Variants in DDX60L observed in about 807,000 individuals in gnomAD.
DDX60L encodes the protein probable ATP-dependent RNA helicase DDX60-like.
A neutral mutation model predicts 211.6 loss-of-function variants in DDX60L; 191 were observed. The ratio of observed to expected loss-of-function variants is 0.90; its 90% CI spans 0.80 to 1.02. The LOEUF (loss-of-function observed/expected upper bound fraction) is 1.02, where lower values mean the gene tolerates loss of function less well. Among genes scored for constraint, DDX60L ranks in the 50% least tolerant of loss-of-function variants. DDX60L has a pLI of 0.00. For synonymous variants in DDX60L, 706 were observed against 694.1 expected (o/e 1.02, Z -0.27); for missense variants, 2,007 against 1,984.1 (o/e 1.01, Z -0.22).
At chr4:168,396,493 C>T (rs976362169) in intron 26 of DDX60L, among the ~76,000 whole-genome samples, 4 of 152,212 alleles carry the variant, frequency 2.6e-5, no homozygotes, top group Non-Finnish European at 5.9e-5. Flanking sequence ...TTAGTTGGCA[C>T]ATCCCCTGAT....
chr4:168,424,623 C>G (rs1431133397), intron 14 of DDX60L, among the ~76,000 whole-genome samples: 1 of 151,974 alleles, frequency 6.6e-6, no homozygotes, highest in African/African-American at 2.4e-5. Flanking sequence ...ATTCAGGGTC[C>G]AAATGGAGTC....
chr4:168,388,684 C>T (rs1744295126), intron 29 of DDX60L, among the ~76,000 whole-genome samples: 1 of 152,134 alleles, frequency 6.6e-6, no homozygotes, highest in South Asian at 2.1e-4. Context: ...GAATCTAGGA[C>T]CAGATTCCCC....
intron 9 of DDX60L, among the ~76,000 whole-genome samples, chr4:168,446,247 G>C (rs1471792844): frequency 6.6e-6 from 1 of 151,980 alleles, no homozygotes; most frequent in African/African-American, 2.4e-5. Context: ...CAGACAAACA[G>C]AGAGCCAAAT....
intron 36 of DDX60L, among the ~76,000 whole-genome samples, chr4:168,369,483 C>CAA (rs113198591): frequency 7.5e-4 from 31 of 41,490 alleles, no homozygotes; most frequent in East Asian, 2.1e-3. Context: ...TTAAAAAAAA[C>CAA]AAAAAAAAAA....
At chr4:168,396,159 ATG>A in intron 26 of DDX60L, 35 bp from the exon 27 acceptor site, 2 of 1,248,242 alleles carry the variant, frequency 1.6e-6, no homozygotes, top group Non-Finnish European at 2.2e-6. Context: ...CTTTTAAGTA[ATG>A]AAAACTCATA....
At chr4:168,477,946 G>A (rs1420553786) in intron 1 of DDX60L, among the ~76,000 whole-genome samples, 1 of 152,170 alleles carries the variant, frequency 6.6e-6, no homozygotes, top group East Asian at 1.9e-4. Context: ...GAAGAGAATT[G>A]GCTGGACACA....
chr4:168,462,475 AC>A (rs1462450529), intron 4 of DDX60L, among the ~76,000 whole-genome samples: 1 of 152,086 alleles, frequency 6.6e-6, no homozygotes, highest in African/African-American at 2.4e-5. Flanking sequence ...GAAAAAAAAA[AC>A]CCACTAAAAA....
chr4:168,361,457 G>C, intron 36 of DDX60L: 1 of 339,784 alleles, frequency 2.9e-6, no homozygotes, highest in Non-Finnish European at 5.4e-6. Flanking sequence ...GTAAAGCATA[G>C]AAGGGTCAAT....
chr4:168,422,254 A>G (rs1002338718), intron 16 of DDX60L, among the ~76,000 whole-genome samples: 1 of 152,212 alleles, frequency 6.6e-6, no homozygotes, highest in Admixed American at 6.5e-5. Flanking sequence ...GGTTTCCAAA[A>G]CTGAGCTGTA....
intron 13 of DDX60L, 44 bp from the exon 14 acceptor site, chr4:168,427,366 C>T (rs746489877): frequency 1.3e-6 from 2 of 1,580,322 alleles, no homozygotes; most frequent in Non-Finnish European, 1.7e-6. Flanking sequence ...TGGGAAAATT[C>T]CATTATGACA....
intron 37 of DDX60L, among the ~76,000 whole-genome samples, chr4:168,359,051 G>A (rs954101996): frequency 1.3e-5 from 2 of 152,182 alleles, no homozygotes; most frequent in African/African-American, 4.8e-5. Flanking sequence ...AGAAGCTGGG[G>A]TGAATGAGAG....
At chr4:168,390,753 CTT>C (rs1206543240) in intron 29 of DDX60L, among the ~76,000 whole-genome samples, 1 of 151,684 alleles carries the variant, frequency 6.6e-6, no homozygotes, top group African/African-American at 2.4e-5. Flanking sequence ...GGTATAACAT[CTT>C]TGTCTTTGTG....
In DDX60L at chr4:168,461,759, A is replaced by C; in HGVS notation, c.546T>G (p.Thr182=). The change falls in exon 5 of 38, where the codon ACT becomes ACG. Residue 182 remains threonine, a synonymous_variant. Transcript: ENST00000682922. The part of the protein sequence containing the change: ...VVLSSGHESD[T]LRFYAYTMES... ...CCATAGTATATGCATAAAATCTGAGAGTATCAGATTCATGCCCTGATGAAA... is the reference window on the plus strand; with the variant it reads ...CCATAGTATATGCATAAAATCTGAGCGTATCAGATTCATGCCCTGATGAAA... The C allele has an allele frequency of 6.2e-7, 1 of 1,602,426 alleles. No homozygotes were observed.
At chr4:168,430,433 A>G (rs1335612335) in intron 13 of DDX60L, 45 bp downstream of exon 13, 1 of 1,512,428 alleles carries the variant, frequency 6.6e-7, no homozygotes, top group Non-Finnish European at 8.8e-7. Context: ...AAAGAAAACA[A>G]AACAACATCA....
intron 26 of DDX60L, among the ~76,000 whole-genome samples, chr4:168,397,831 T>C (rs923004708): frequency 6.6e-6 from 1 of 152,132 alleles, no homozygotes; most frequent in Non-Finnish European, 1.5e-5. Context: ...CAGGTGGAAG[T>C]CCTGCCCACT....
chr4:168,393,988 T>C lies in DDX60L; in HGVS notation c.3810+477A>G, dbSNP rs1043960937. On this transcript the variant is annotated intron_variant, in intron 28 of 37. Transcript: ENST00000682922. ...GGTGGGTGGATCATGAGGTCAGGAG[T>C]TCGAGAACAGGCTGGCCCGTATGGT... 2.6e-5 allele frequency among the ~76,000 whole-genome samples: 4 copies of C among 152,014 alleles called. No individual in the cohort carries two copies. The East Asian group carries it at 7.7e-4, about 29-fold the overall frequency.
chr4:168,463,292 T>C (rs1757559986), intron 4 of DDX60L, among the ~76,000 whole-genome samples: 2 of 152,224 alleles, frequency 1.3e-5, no homozygotes, highest in Non-Finnish European at 2.9e-5. Context: ...TGGAATACTA[T>C]GCATTCATAA....
chr4:168,457,479 A>G (rs773893926), intron 6 of DDX60L, among the ~76,000 whole-genome samples: 8 of 151,734 alleles, frequency 5.3e-5, no homozygotes, highest in Non-Finnish European at 1.0e-4. Flanking sequence ...TTAGTAATCC[A>G]TCATGATAAA....
At position 168,415,669 on chromosome 4, in the gene DDX60L, C is replaced by T; in HGVS notation, c.2857G>A (p.Glu953Lys). ...AAAATAAGCTTACCAAGTCTAACTT[C>T]ATATGATTGATTTTTATATGAATGG... ...QDHSYKNQSY[E>K]VRLVLCGERY... is the part of the protein sequence containing the mutation. The change falls in exon 21 of 38, where the codon GAA (glutamate) becomes AAA (lysine). Residue 953 changes from glutamate (E) to lysine (K), a missense_variant. By Grantham distance (56) the Glu-to-Lys change is moderately conservative. Transcript: ENST00000682922. 1.9e-6 allele frequency: 3 copies of T among 1,589,416 alleles called. No homozygotes were observed. Among genetic ancestry groups the T allele is most frequent in the Admixed American group, 1.7e-5 (1 of 58,040 alleles).
Sources: gnomAD v4.1 joint callset for allele counts (sites outside exome capture counted in the v4.1 genomes callset) on GRCh38, gnomAD v4.1.1 for gene constraint, MANE v1.5 for transcripts, NCBI Gene and HGNC (gene_info 2026-07-23, HGNC 2026-07-21) for gene names.